Variants in GFM1 observed in about 807,000 individuals in gnomAD.
GFM1 encodes the protein elongation factor G, mitochondrial.
GFM1 carries 62 observed loss-of-function variants against 96.2 expected under a neutral mutation model. That is an observed-to-expected ratio of 0.64 (90% CI 0.53 to 0.80). GFM1 has a LOEUF of 0.80. GFM1 is among the 30% of genes least tolerant of loss of function. The pLI is 0.00. For synonymous variants in GFM1, 282 were observed against 312.9 expected (o/e 0.90, Z 1.04); for missense variants, 852 against 916.6 (o/e 0.93, Z 0.91).
chr3:158,665,915 T>C (rs61107068), intron 12 of GFM1, among the ~76,000 whole-genome samples: 24,700 of 152,150 alleles, frequency 0.16, 2,142 homozygotes, highest in South Asian at 0.22. Flanking sequence ...CTTGTATGTA[T>C]TGATATATAA....
chr3:158,684,640 C>T lies in GFM1; in HGVS notation c.1881C>T (p.Ile627=), dbSNP rs149784185. Residue 627 remains isoleucine, a synonymous_variant, in exon 15 of 18, where the codon ATC becomes ATT. Coordinates refer to ENST00000486715, the MANE Select transcript of GFM1 (RefSeq NM_024996.7). ...HMVDSNEISF[I]RAGEGALKQA... ...TTGATTCTAATGAAATCTCTTTCAT[C>T]CGAGCAGGAGAAGGTGCTCTTAAAC... 5.6e-6 allele frequency: 9 copies of T among 1,613,936 alleles called. No individual in the cohort carries two copies. Among genetic ancestry groups the T allele is most frequent in the Non-Finnish European group, 7.6e-6 (9 of 1,179,984 alleles).
intron 13 of GFM1, among the ~76,000 whole-genome samples, chr3:158,672,099 G>T (rs191301816): frequency 6.6e-6 from 1 of 152,126 alleles, no homozygotes; most frequent in Admixed American, 6.6e-5. Context: ...CCGTTTTCTT[G>T]TAACTGTGTG....
At chr3:158,651,106 G>A (rs527529314) in intron 5 of GFM1, 1 of 150,754 alleles carries the variant, frequency 6.6e-6, no homozygotes, top group East Asian at 1.9e-4. Flanking sequence ...ATCCATTTTG[G>A]CTTTGAACAT....
intron 8 of GFM1, among the ~76,000 whole-genome samples, chr3:158,658,044 T>C (rs1199937955): frequency 6.6e-6 from 1 of 152,178 alleles, no homozygotes; most frequent in Non-Finnish European, 1.5e-5. Flanking sequence ...AAATTTCCTG[T>C]TGGGATTTCG....
In GFM1 at chr3:158,660,886, G is replaced by C. The variant is rs773648811; in HGVS notation, c.1234G>C (p.Val412Leu). The change falls in exon 10 of 18, where the codon GTA (valine) becomes CTA (leucine). Residue 412 changes from valine to leucine, a missense_variant. Physicochemically the swap from Val to Leu is conservative, Grantham distance 32 (BLOSUM62 1). Transcript: ENST00000486715. ...TTTGTTTTTTTAGGATGTTGAGGAA[G>C]TATATGCCGGAGACATCTGTGCATT... ...HADMMEDVEE[V>L]YAGDICALFG... 1.2e-6 allele frequency: 2 copies of C among 1,613,568 alleles called. No individual in the cohort carries two copies. The highest frequency in any genetic ancestry group is 4.5e-5 in the East Asian group (2 of 44,874).
chr3:158,667,464 A>T (rs983171970), intron 13 of GFM1, among the ~76,000 whole-genome samples: 5 of 152,200 alleles, frequency 3.3e-5, no homozygotes, highest in African/African-American at 1.2e-4. Context: ...AAAGAATCCA[A>T]TTTTATAACA....
chr3:158,669,141 A>C, intron 13 of GFM1: 1 of 1,610,550 alleles, frequency 6.2e-7, no homozygotes, highest in South Asian at 1.1e-5. Flanking sequence ...GTCTGGTAGG[A>C]GACACATTTA....
Position 158,665,352 on chromosome 3 carries a change from T to A in GFM1, c.1396T>A (p.Phe466Ile). 6.2e-7 allele frequency: 1 copy of A among 1,610,448 alleles called. No homozygotes were observed. The highest frequency in any genetic ancestry group is 8.5e-7 in the Non-Finnish European group (1 of 1,177,084). ...TCTTTTAAAGAACGATCTGGAAAAA[T>A]TTTCAAAAGGTATTGGCAGGTTTAC... Reference protein sequence around the residue: ...KPSNKNDLEKFSKGIGRFTRE... With the variant: ...KPSNKNDLEKISKGIGRFTRE... Residue 466 changes from phenylalanine to isoleucine, a missense_variant, in exon 12 of 18, where the codon TTT (phenylalanine) becomes ATT (isoleucine). Transcript: ENST00000486715.
rs946352823 is a variant in GFM1 at position 158,659,196 on chromosome 3, G to T, written c.1221+137G>T. 5.0e-6 allele frequency: 5 copies of T among 999,450 alleles called. No homozygotes were observed. The East Asian group carries it at 7.7e-5, about 15-fold the overall frequency. 61.9% of individuals were successfully genotyped at this position (999,450 alleles called of 1,614,324 possible). On this transcript the variant is annotated intron_variant, in intron 9 of 17. Transcript: ENST00000486715. ...TAGTTTCTTTCTACTTAAATGTGTT[G>T]TAGCTCTGATCTAGCACTTTGCTAT...
chr3:158,682,875 T>C (rs1044852422), intron 14 of GFM1, among the ~76,000 whole-genome samples: 13 of 151,416 alleles, frequency 8.6e-5, no homozygotes, highest in Non-Finnish European at 1.8e-4. Context: ...AAAATAAAAA[T>C]AGAAAAAAAA....
At chr3:158,685,857 G>C (rs367713262) in intron 15 of GFM1, among the ~76,000 whole-genome samples, 1 of 152,076 alleles carries the variant, frequency 6.6e-6, no homozygotes, top group Non-Finnish European at 1.5e-5. Flanking sequence ...TACCACTTTA[G>C]TATGTCTTAA....
rs374427028 is a variant in GFM1, at chr3:158,652,217, G to A, written c.811G>A (p.Glu271Lys). The A allele has an allele frequency of 3.1e-6, 5 of 1,613,902 alleles. No individual in the cohort carries two copies. The African/African-American group carries it at 5.3e-5, about 17-fold the overall frequency. The change falls in exon 6 of 18, where the codon GAA (glutamate) becomes AAA (lysine). Residue 271 changes from glutamate (E) to lysine (K), a missense_variant. Coordinates refer to ENST00000486715, the MANE Select transcript of GFM1 (RefSeq NM_024996.7). ...ACAGCTTGGTGAGATGTTTCTGGAAGAAAAAATCCCCTCGATTTCTGATTT... is the reference window on the plus strand; with the variant it reads ...ACAGCTTGGTGAGATGTTTCTGGAAAAAAAAATCCCCTCGATTTCTGATTT... ...DEQLGEMFLE[E>K]KIPSISDLKL...
At chr3:158,678,122 A>G (rs2108086299) in intron 13 of GFM1, among the ~76,000 whole-genome samples, 1 of 152,330 alleles carries the variant, frequency 6.6e-6, no homozygotes, top group East Asian at 1.9e-4. Context: ...TTGCTTAGAA[A>G]AAAATGATTC....
chr3:158,691,434 A>G lies in GFM1; in HGVS notation c.2223A>G (p.Gln741=). The change falls in exon 18 of 18, where the codon CAA becomes CAG. Residue 741 remains glutamine, a synonymous_variant. Transcript: ENST00000486715. The part of the protein sequence containing the change: ...VINKYLEATG[Q]LPVKKGKAKN ...ATAAGTATTTGGAAGCTACAGGTCA[A>G]CTTCCTGTTAAAAAAGGAAAAGCCA... 1 of 1,613,826 alleles carries G rather than the reference A, an allele frequency of 6.2e-7. No homozygotes were observed. The highest frequency in any genetic ancestry group is 8.5e-7 in the Non-Finnish European group (1 of 1,179,780).
intron 2 of GFM1, 102 bp downstream of exon 2, chr3:158,645,883 G>C (rs1721742837): frequency 2.7e-6 from 3 of 1,127,176 alleles, no homozygotes; most frequent in South Asian, 2.5e-5. Flanking sequence ...TAAAACAATG[G>C]TAACAGCGGA....
chr3:158,669,762 T>C (rs1724092214), intron 13 of GFM1: 2 of 692,826 alleles, frequency 2.9e-6, no homozygotes, highest in Admixed American at 6.2e-5. Context: ...TAATTGGGCC[T>C]GGCCTATTAA....
At chr3:158,673,365 T>C (rs1724545641) in intron 13 of GFM1, among the ~76,000 whole-genome samples, 1 of 152,182 alleles carries the variant, frequency 6.6e-6, no homozygotes, top group African/African-American at 2.4e-5. Context: ...CTCATTGCAA[T>C]GGGCCTATAA....
chr3:158,670,526 T>C (rs1468808173), intron 13 of GFM1, among the ~76,000 whole-genome samples: 3 of 152,200 alleles, frequency 2.0e-5, no homozygotes, highest in Non-Finnish European at 4.4e-5. Context: ...ATAATTCATA[T>C]ACCTAGGAAT....
chr3:158,676,889 A>G (rs1348808331), intron 13 of GFM1, among the ~76,000 whole-genome samples: 1 of 151,924 alleles, frequency 6.6e-6, no homozygotes, highest in East Asian at 1.9e-4. Context: ...TAGTAGAGAC[A>G]GGGTTTCACC....
Sources: gnomAD v4.1 joint callset for allele counts (sites outside exome capture counted in the v4.1 genomes callset) on GRCh38, gnomAD v4.1.1 for gene constraint, MANE v1.5 for transcripts, NCBI Gene and HGNC (gene_info 2026-07-23, HGNC 2026-07-21) for gene names.